SNTG1: variants seen among roughly 807,000 people sequenced by gnomAD.
The protein encoded by SNTG1 is gamma-1-syntrophin.
Under a neutral mutation model 74.7 loss-of-function variants are expected in SNTG1, and 39 were observed. The ratio of observed to expected loss-of-function variants is 0.52; its 90% CI spans 0.40 to 0.68. The LOEUF (loss-of-function observed/expected upper bound fraction) is 0.68. SNTG1 is among the 30% of genes least tolerant of loss of function. The pLI, the probability that SNTG1 is intolerant of heterozygous loss-of-function variation, is 0.00. For missense variants in SNTG1, 685 were observed against 609.5 expected (o/e 1.12, Z -1.30); for synonymous variants, 254 against 217.1 (o/e 1.17, Z -1.49).
At chr8:49,991,015 C>T (rs1191407713) in intron 1 of SNTG1, among the ~76,000 whole-genome samples, 1 of 152,034 alleles carries the variant, frequency 6.6e-6, no homozygotes, top group African/African-American at 2.4e-5. Context: ...GCCTAGAAAA[C>T]TGGAAAAAGT....
chr8:50,259,514 AAG>A lies in SNTG1; in HGVS notation c.-28+86881_-28+86882del, dbSNP rs1563810260. On this transcript the variant is annotated intron_variant, in intron 2 of 18. Transcript: ENST00000642720. ...ACGCTGTCTCAAAAAAAAAAAAAGA[AAG>A]AAAGAAAGAAAGAAAGAAAGAAAGA... 7.4e-5 allele frequency among the ~76,000 whole-genome samples: 6 copies of A among 81,104 alleles called. 1 individual carries two copies. Among genetic ancestry groups the A allele is most frequent in the African/African-American group, 1.3e-4 (2 of 15,408 alleles). The allele number at this position is 81,104 out of a possible 152,430, so 53.2% of individuals were successfully genotyped here.
chr8:50,136,877 C>A (rs2081491937), intron 1 of SNTG1, among the ~76,000 whole-genome samples: 1 of 151,996 alleles, frequency 6.6e-6, no homozygotes, highest in Non-Finnish European at 1.5e-5. Context: ...GTCCATGCTA[C>A]CAAAATGAGG....
chr8:50,109,360 A>G (rs1009074183), intron 1 of SNTG1, among the ~76,000 whole-genome samples: 1 of 152,130 alleles, frequency 6.6e-6, no homozygotes, highest in Admixed American at 6.6e-5. Context: ...AGTTTCTTCA[A>G]TCTTAAGTTC....
chr8:50,564,917 G>A (rs2094507501), intron 12 of SNTG1, among the ~76,000 whole-genome samples: 1 of 152,054 alleles, frequency 6.6e-6, no homozygotes, highest in South Asian at 2.1e-4. Flanking sequence ...CCAGCGTTAA[G>A]AAGGGAAAGT....
intron 1 of SNTG1, among the ~76,000 whole-genome samples, chr8:49,953,454 C>T (rs1483493783): frequency 6.6e-6 from 1 of 152,156 alleles, no homozygotes; most frequent in Non-Finnish European, 1.5e-5. Context: ...TTACAAGTGC[C>T]CTTACCATAC....
chr8:50,418,566 ATCTTACCCTG>A (rs1481997904), intron 4 of SNTG1, among the ~76,000 whole-genome samples: 1 of 152,098 alleles, frequency 6.6e-6, no homozygotes, highest in Non-Finnish European at 1.5e-5. Flanking sequence ...TCCAGCTTAT[ATCTTACCCTG>A]TCCTGTTCCC....
chr8:50,714,093 T>A (rs1230414075), intron 17 of SNTG1, among the ~76,000 whole-genome samples: 2 of 148,506 alleles, frequency 1.3e-5, no homozygotes, highest in Non-Finnish European at 1.5e-5. Flanking sequence ...GGGGAGGGAA[T>A]CCTTTTCTTA....
chr8:50,427,354 T>C (rs2093176399), intron 4 of SNTG1, among the ~76,000 whole-genome samples: 1 of 152,208 alleles, frequency 6.6e-6, no homozygotes, highest in Admixed American at 6.5e-5. Context: ...ATGAATCTGT[T>C]TAAAAACTGT....
intron 13 of SNTG1, among the ~76,000 whole-genome samples, chr8:50,641,785 G>A (rs1024098803): frequency 7.2e-5 from 11 of 152,144 alleles, no homozygotes; most frequent in Admixed American, 7.2e-4. Flanking sequence ...AATTGCTTGA[G>A]TTTTTTCTTA....
chr8:49,929,915 G>C (rs1344344888), intron 1 of SNTG1, among the ~76,000 whole-genome samples: 1 of 126,470 alleles, frequency 7.9e-6, no homozygotes, highest in African/African-American at 3.1e-5. Flanking sequence ...CCCTTCCTGT[G>C]TCCATGTGAT....
intron 2 of SNTG1, among the ~76,000 whole-genome samples, chr8:50,334,184 A>G (rs1282913460): frequency 1.3e-5 from 2 of 152,176 alleles, no homozygotes; most frequent in East Asian, 3.9e-4. Context: ...GGCCTGAGCC[A>G]CCGCGCCTGG....
At chr8:50,351,519 A>G (rs933906475) in intron 2 of SNTG1, among the ~76,000 whole-genome samples, 1 of 152,202 alleles carries the variant, frequency 6.6e-6, no homozygotes, top group Non-Finnish European at 1.5e-5. Context: ...GATCATGTAT[A>G]ATTTCCTAAT....
At chr8:50,694,156 T>G (rs891497638) in intron 15 of SNTG1, among the ~76,000 whole-genome samples, 4 of 143,456 alleles carry the variant, frequency 2.8e-5, no homozygotes, top group East Asian at 2.0e-4. Flanking sequence ...GGAAATGAAG[T>G]TTTTTTTTTT....
intron 5 of SNTG1, among the ~76,000 whole-genome samples, chr8:50,445,825 T>G (rs1254907029): frequency 6.6e-6 from 1 of 152,222 alleles, no homozygotes; most frequent in Non-Finnish European, 1.5e-5. Context: ...TCAGGCCATT[T>G]ATACTTCAGT....
rs531205231 is a variant in SNTG1, at chr8:50,181,518, T to C, written c.-28+8883T>C. 3.3e-5 allele frequency among the ~76,000 whole-genome samples: 5 copies of C among 152,338 alleles called. No homozygotes were observed. In the South Asian group the frequency reaches 1.0e-3, roughly 32 times the overall value. On this transcript the variant is annotated intron_variant, in intron 2 of 18. Transcript: ENST00000642720. ...TTTTTCAGGTGCTATTTCTGGGCTATACATTCTCATTTTATAAATTTAATT... is the reference window on the plus strand; with the variant it reads ...TTTTTCAGGTGCTATTTCTGGGCTACACATTCTCATTTTATAAATTTAATT...
intron 12 of SNTG1, among the ~76,000 whole-genome samples, chr8:50,584,624 C>T (rs571435659): frequency 6.7e-6 from 1 of 149,366 alleles, no homozygotes; most frequent in Non-Finnish European, 1.5e-5. Context: ...AAAGAGACAA[C>T]AATGCTGCTG....
chr8:50,026,658 A>C (rs1387727405), intron 1 of SNTG1, among the ~76,000 whole-genome samples: 1 of 152,092 alleles, frequency 6.6e-6, no homozygotes, highest in Non-Finnish European at 1.5e-5. Flanking sequence ...GAAGGGTATT[A>C]ATATCTTCAT....
At chr8:50,383,628 G>A (rs1305854443) in intron 2 of SNTG1, among the ~76,000 whole-genome samples, 2 of 152,122 alleles carry the variant, frequency 1.3e-5, no homozygotes, top group Non-Finnish European at 2.9e-5. Context: ...AAACACCTCA[G>A]CTGGTCATAG....
intron 1 of SNTG1, among the ~76,000 whole-genome samples, chr8:50,067,600 C>A (rs1049214230): frequency 4.6e-5 from 7 of 152,104 alleles, no homozygotes; most frequent in South Asian, 2.1e-4. Flanking sequence ...CTTTTGAATT[C>A]TTTTCAAAAT....
Sources: allele counts gnomAD v4.1 joint callset (sites outside exome capture counted in the v4.1 genomes callset), GRCh38; gene constraint gnomAD v4.1.1; transcripts MANE v1.5; gene names NCBI Gene and HGNC (gene_info 2026-07-23, HGNC 2026-07-21).